Variants in C1orf159 observed in about 807,000 individuals in gnomAD.
C1orf159 encodes the protein chromosome 1 open reading frame 159, also known as uncharacterized protein C1orf159.
In C1orf159, 19 loss-of-function variants were observed where a neutral mutation model predicts 25.6. The observed-to-expected ratio is 0.74, with a 90% CI of 0.52 to 1.09. The LOEUF is 1.09. Ranked by LOEUF, C1orf159 falls within the 50% of genes least tolerant of loss-of-function variation. The pLI, the probability that C1orf159 is intolerant of heterozygous loss-of-function variation, is 0.00. For synonymous variants in C1orf159, 139 were observed against 124.7 expected, an observed-to-expected ratio of 1.12 and a Z score of -0.77; for missense variants, 274 against 290.6, an observed-to-expected ratio of 0.94 and a Z score of 0.42.
At chr1:1,090,041 C>T (rs749692985) in intron 4 of C1orf159, among the ~76,000 whole-genome samples, 31 of 152,332 alleles carry the variant, frequency 2.0e-4, no homozygotes, top group East Asian at 1.4e-3. Context: ...AGGACAGCCC[C>T]GTGAGAATGG....
chr1:1,096,809 C>T (rs966262840), intron 1 of C1orf159, among the ~76,000 whole-genome samples: 5 of 152,042 alleles, frequency 3.3e-5, no homozygotes, highest in Non-Finnish European at 5.9e-5. Context: ...ACCACAGCCT[C>T]AGTCTCCCAG....
At position 1,084,489 on chromosome 1, in the gene C1orf159, C is replaced by CAG. The variant is rs778338394; in HGVS notation, c.461_462dup (p.Gly155LeufsTer7). ...TGATGTGGGTTACTTACGGCTTCGC[C>CAG]AGGCTGCAGGGCCGGAGCTGTGGGG... On this transcript the variant is annotated frameshift_variant, in exon 8 of 10. Coordinates refer to ENST00000421241, the MANE Select transcript of C1orf159 (RefSeq NM_017891.5). LOFTEE classifies it high-confidence loss of function. 2 of 1,557,228 alleles carry CAG rather than the reference C, an allele frequency of 1.3e-6. No individual in the cohort carries two copies. Among genetic ancestry groups the CAG allele is most frequent in the Non-Finnish European group, 8.7e-7 (1 of 1,151,034 alleles).
At chr1:1,111,508 T>C (rs1426822154) in intron 1 of C1orf159, among the ~76,000 whole-genome samples, 1 of 152,170 alleles carries the variant, frequency 6.6e-6, no homozygotes, top group Non-Finnish European at 1.5e-5. Context: ...GCACTCTACC[T>C]GGGCGACAGA....
At chr1:1,086,315 A>G (rs9442398) in intron 6 of C1orf159, among the ~76,000 whole-genome samples, 106,822 of 152,170 alleles carry the variant, frequency 0.7, 37,987 homozygotes, top group East Asian at 0.87. Context: ...CTGCGGAAAC[A>G]CCTCTCCGAT....
At position 1,084,509 on chromosome 1, in the gene C1orf159, G is replaced by C; in HGVS notation, c.446-3C>G. 5.1e-6 allele frequency: 8 copies of C among 1,553,482 alleles called. No individual in the cohort carries two copies. The highest frequency in any genetic ancestry group is 7.0e-6 in the Non-Finnish European group (8 of 1,148,824). ...TTCGCCAGGCTGCAGGGCCGGAGCT[G>C]TGGGGGAGAAAGCGGAGAGTCACCC... On this transcript the variant is annotated splice_region_variant and splice_polypyrimidine_tract_variant and intron_variant, in intron 7 of 9. Transcript: ENST00000421241.
chr1:1,104,008 G>C (rs988344159), intron 1 of C1orf159, among the ~76,000 whole-genome samples: 8 of 150,800 alleles, frequency 5.3e-5, no homozygotes, highest in Admixed American at 2.0e-4. Flanking sequence ...TTTTTTCTGA[G>C]ACAGAGTCTC....
In C1orf159 at chr1:1,090,364, A is replaced by G. The variant is rs754309882; in HGVS notation, c.137T>C (p.Leu46Pro). ...ACAAAGCGGCTTACCTGGACCACAC[A>G]GACTTGCGCCTGGGCAGCTGGCGTT... ...GVNASCPGAS[L>P]CGPGCYRRWN... The change falls in exon 4 of 10, where the codon CTG becomes CCG. Residue 46 changes from leucine to proline, a missense_variant. Transcript: ENST00000421241. 2.5e-5 allele frequency: 38 copies of G among 1,550,416 alleles called. No homozygotes were observed. The African/African-American group carries it at 4.7e-4, about 19-fold the overall frequency.
chr1:1,115,511 G>A (rs1389827297), intron 1 of C1orf159, among the ~76,000 whole-genome samples: 3 of 11,134 alleles, frequency 2.7e-4, no homozygotes, highest in Admixed American at 1.4e-3. Context: ...TCCCTGCCCC[G>A]AGAACCCCCT....
rs1645886828 is a variant in C1orf159, at chr1:1,089,250, C to T, written c.148+1103G>A. On this transcript the variant is annotated intron_variant, in intron 4 of 9. Coordinates refer to ENST00000421241, the MANE Select transcript of C1orf159 (RefSeq NM_017891.5). This position sits in a 1 kb window ranked among gnomAD's most constrained non-coding sequence, Gnocchi z 7.5. Reference sequence around the variant, plus strand: ...TCACGACCCGCTGGCCTGGCCCCTCCATGGGCACCGTGACTGCTGCACAGC... The same window carrying T: ...TCACGACCCGCTGGCCTGGCCCCTCTATGGGCACCGTGACTGCTGCACAGC... Among the ~76,000 whole-genome samples, 2 of 152,192 alleles carry T rather than the reference C, an allele frequency of 1.3e-5. No homozygotes were observed. Among genetic ancestry groups the T allele is most frequent in the Admixed American group, 1.3e-4 (2 of 15,286 alleles).
At chr1:1,084,947 G>A (rs761224827) in intron 7 of C1orf159, among the ~76,000 whole-genome samples, 5 of 152,128 alleles carry the variant, frequency 3.3e-5, no homozygotes, top group Admixed American at 6.5e-5. Context: ...GTGCCCCCGC[G>A]ATGGGGGTGC....
At chr1:1,100,740 G>A (rs1646089596) in intron 1 of C1orf159, among the ~76,000 whole-genome samples, 1 of 151,950 alleles carries the variant, frequency 6.6e-6, no homozygotes, top group Non-Finnish European at 1.5e-5. Flanking sequence ...TGGCCCTTTA[G>A]TTGTGCTTCT....
intron 9 of C1orf159, chr1:1,084,123 T>C: frequency 6.4e-7 from 1 of 1,565,902 alleles, no homozygotes; most frequent in African/African-American, 1.4e-5. Flanking sequence ...TCACGGGGAT[T>C]AAAGGGGGGC....
At chr1:1,086,670 T>C (rs879322977) in intron 6 of C1orf159, among the ~76,000 whole-genome samples, 1 of 152,266 alleles carries the variant, frequency 6.6e-6, no homozygotes, top group African/African-American at 2.4e-5. Context: ...CCTAAAACAC[T>C]GCCACTCAGG....
chr1:1,113,842 C>T (rs944907085), intron 1 of C1orf159, among the ~76,000 whole-genome samples: 30 of 152,062 alleles, frequency 2.0e-4, no homozygotes, highest in Middle Eastern at 3.5e-3. Context: ...TCCACCCGCA[C>T]AGCGGCTGCG....
At chr1:1,107,231 G>C (rs761854843) in intron 1 of C1orf159, among the ~76,000 whole-genome samples, 2 of 152,262 alleles carry the variant, frequency 1.3e-5, no homozygotes, top group African/African-American at 2.4e-5. Flanking sequence ...TCCTGAGTCG[G>C]GTGAGGACTT....
rs574451100 is a variant in C1orf159 at position 1,083,815 on chromosome 1, C to T, written c.502+538G>A. The T allele has an allele frequency of 1.4e-4, 158 of 1,124,266 alleles. 1 individual carries two copies. Among genetic ancestry groups the T allele is most frequent in the South Asian group, 7.8e-4 (52 of 66,894 alleles). 69.6% of individuals were successfully genotyped at this position (1,124,266 alleles called of 1,614,324 possible). A position where few individuals can be genotyped will look rare whatever the true frequency, so the allele number is the denominator to read the frequency against. On this transcript the variant is annotated intron_variant, in intron 9 of 9. Coordinates refer to ENST00000421241, the MANE Select transcript of C1orf159 (RefSeq NM_017891.5). ...CATGACAGACTTCTGCACAGGGGGACGGAGGCCGGGTGAGCCCTGCTCATG... is the reference window on the plus strand; with the variant it reads ...CATGACAGACTTCTGCACAGGGGGATGGAGGCCGGGTGAGCCCTGCTCATG...
At position 1,087,586 on chromosome 1, in the gene C1orf159, G is replaced by A. The variant is rs1414038559; in HGVS notation, c.160C>T (p.Arg54Cys). The A allele has an allele frequency of 1.6e-5, 25 of 1,545,964 alleles. No homozygotes were observed. Among genetic ancestry groups the A allele is most frequent in the South Asian group, 4.8e-5 (4 of 84,024 alleles). Residue 54 changes from arginine to cysteine, a missense_variant, in exon 5 of 10, where the codon CGC becomes TGC. Physicochemically the swap from Arg to Cys is radical, Grantham distance 180 (BLOSUM62 -3). Transcript: ENST00000421241. This position sits in a 1 kb window ranked among gnomAD's most constrained non-coding sequence, Gnocchi z 8.3. ...CTGGCGCTCCCGTCCGCGTTCCAGCGCCTGTAACAGCCTGCGTGGGGCAGA... is the reference window on the plus strand; with the variant it reads ...CTGGCGCTCCCGTCCGCGTTCCAGCACCTGTAACAGCCTGCGTGGGGCAGA... The part of the protein sequence containing the change: ...ASLCGPGCYR[R>C]WNADGSASCV...
chr1:1,093,320 C>G (rs1316939372), intron 1 of C1orf159, among the ~76,000 whole-genome samples: 1 of 152,206 alleles, frequency 6.6e-6, no homozygotes. Context: ...ATTCAGGAAC[C>G]AGAAGTCCAA....
chr1:1,090,484 C>A, intron 3 of C1orf159, 56 bp from the exon 4 acceptor site: 1 of 1,526,204 alleles, frequency 6.6e-7, no homozygotes, highest in Non-Finnish European at 8.9e-7. Context: ...AGGCTCACGC[C>A]CAGAGCAGCA....
Sources: gnomAD v4.1 joint callset for allele counts (sites outside exome capture counted in the v4.1 genomes callset) on GRCh38, gnomAD v4.1.1 for gene constraint, Gnocchi (gnomAD v3.1) non-coding constraint, MANE v1.5 for transcripts, NCBI Gene and HGNC (gene_info 2026-07-23, HGNC 2026-07-21) for gene names.